The following RSBN1L variants were observed in gnomAD, a reference collection of about 807,000 sequenced individuals.
RSBN1L encodes lysine-specific demethylase RSBN1L.
RSBN1L carries 30 observed loss-of-function variants against 67.7 expected under a neutral mutation model. That is an observed-to-expected ratio of 0.44 (90% CI 0.33 to 0.60). The LOEUF is 0.60. Ranked by LOEUF, RSBN1L falls within the 20% of genes least tolerant of loss-of-function variation. RSBN1L has a pLI of 0.02. For synonymous variants in RSBN1L, 433 were observed against 387.0 expected, an observed-to-expected ratio of 1.12 and a Z score of -1.39; for missense variants, 992 against 1,031.7, an observed-to-expected ratio of 0.96 and a Z score of 0.53.
At chr7:77,717,376 A>G (rs1235124252) in intron 1 of RSBN1L, among the ~76,000 whole-genome samples, 1 of 152,164 alleles carries the variant, frequency 6.6e-6, no homozygotes, top group African/African-American at 2.4e-5. Context: ...TTACTAGTAT[A>G]TAAAAAAGAC....
intron 1 of RSBN1L, among the ~76,000 whole-genome samples, chr7:77,706,061 C>T (rs1327776025): frequency 5.3e-5 from 8 of 150,834 alleles, no homozygotes; most frequent in Admixed American, 5.3e-4. Flanking sequence ...ACCATGCCCG[C>T]CTAACTTTTT....
chr7:77,729,673 C>T (rs990322720), intron 1 of RSBN1L, among the ~76,000 whole-genome samples: 9 of 152,164 alleles, frequency 5.9e-5, no homozygotes, highest in Admixed American at 2.6e-4. Context: ...TTATTTTAGG[C>T]TGGGTGCAGT....
At chr7:77,710,104 A>G (rs1249965049) in intron 1 of RSBN1L, among the ~76,000 whole-genome samples, 1 of 152,122 alleles carries the variant, frequency 6.6e-6, no homozygotes, top group Non-Finnish European at 1.5e-5. Context: ...TACTAGTTTT[A>G]GTTCAAATTA....
At chr7:77,732,456 C>G (rs1377770699) in intron 1 of RSBN1L, among the ~76,000 whole-genome samples, 2 of 152,136 alleles carry the variant, frequency 1.3e-5, no homozygotes, top group African/African-American at 2.4e-5. Context: ...CCTCAGCCTA[C>G]CAAGTAGTGG....
chr7:77,707,934 A>G (rs141763761), intron 1 of RSBN1L, among the ~76,000 whole-genome samples: 16 of 152,322 alleles, frequency 1.1e-4, no homozygotes, highest in African/African-American at 3.6e-4. Flanking sequence ...AGTCCTTTAA[A>G]GTTTAATTAG....
intron 6 of RSBN1L, among the ~76,000 whole-genome samples, chr7:77,776,420 C>T (rs987997496): frequency 6.6e-6 from 1 of 152,200 alleles, no homozygotes; most frequent in Admixed American, 6.5e-5. Context: ...ATCACCTCCC[C>T]AATTCTCCAT....
chr7:77,729,155 T>C (rs532434710), intron 1 of RSBN1L, among the ~76,000 whole-genome samples: 51 of 152,312 alleles, frequency 3.3e-4, no homozygotes, highest in Non-Finnish European at 4.0e-4. Flanking sequence ...GCAGCTTCCA[T>C]TGTGGTGTTT....
chr7:77,775,489 G>T (rs1791901379), intron 6 of RSBN1L, among the ~76,000 whole-genome samples: 2 of 152,066 alleles, frequency 1.3e-5, no homozygotes, highest in African/African-American at 4.8e-5. Context: ...AGATCGTGCT[G>T]TGTTTCACAA....
rs1367259612 is a variant in RSBN1L at position 77,779,199 on chromosome 7, A to T, written c.*31A>T. 5.7e-5 allele frequency: 82 copies of T among 1,449,550 alleles called. No individual in the cohort carries two copies. Among genetic ancestry groups the T allele is most frequent in the Non-Finnish European group, 7.5e-5 (80 of 1,073,014 alleles). The allele number at this position is 1,449,550 out of a possible 1,614,324, so 89.8% of individuals were successfully genotyped here. A position where few individuals can be genotyped will look rare whatever the true frequency, so the allele number is the denominator to read the frequency against. ...CATATACCATCTAAAATCCTTTTTT[A>T]AAAAAATTTAATGTAATAAAGATTC... On this transcript the variant is annotated 3_prime_UTR_variant, in exon 8 of 8. Transcript: ENST00000334955.
intron 3 of RSBN1L, among the ~76,000 whole-genome samples, chr7:77,755,439 C>T (rs914089892): frequency 7.9e-5 from 12 of 151,978 alleles, no homozygotes; most frequent in Admixed American, 5.9e-4. Context: ...CCGAGGCAGT[C>T]GGATCACCTG....
At position 77,778,765 on chromosome 7, in the gene RSBN1L, AT is replaced by A. The variant is rs1562812551; in HGVS notation, c.2140del (p.Ser714ProfsTer13). The A allele has an allele frequency of 6.2e-7, 1 of 1,614,172 alleles. No homozygotes were observed. On this transcript the variant is annotated frameshift_variant, in exon 8 of 8. Coordinates refer to ENST00000334955, the MANE Select transcript of RSBN1L (RefSeq NM_198467.3). LOFTEE classifies it high-confidence loss of function. ...ACTCATGAAACAGGCACATCATCAGATTCCACATCATCTGTTCTTGGACCTC... is the reference window on the plus strand; with the variant it reads ...ACTCATGAAACAGGCACATCATCAGATCCACATCATCTGTTCTTGGACCTC... Reference protein sequence around the residue: ...TATHETGTSSDSTSSVLGPHT... With the variant: ...TATHETGTSSXSTSSVLGPHT...
rs1456341589 is a variant in RSBN1L, at chr7:77,780,491, G to T, written c.*1323G>T. 6.6e-6 allele frequency: 1 copy of T among 152,038 alleles called. No individual in the cohort carries two copies. The highest frequency in any genetic ancestry group is 1.5e-5 in the Non-Finnish European group (1 of 68,010). The allele number at this position is 152,038 out of a possible 1,614,324, so 9.4% of individuals were successfully genotyped here. ...AGAAGTTTAGAGAATTTTCTTACTA[G>T]TAAGTACCTTTACTAAGTAATAGCT... On this transcript the variant is annotated 3_prime_UTR_variant, in exon 8 of 8. Coordinates refer to ENST00000334955, the MANE Select transcript of RSBN1L (RefSeq NM_198467.3).
chr7:77,773,948 T>C (rs1791878802), intron 6 of RSBN1L, among the ~76,000 whole-genome samples: 1 of 152,206 alleles, frequency 6.6e-6, no homozygotes, highest in Admixed American at 6.5e-5. Context: ...TGCTTTTTGC[T>C]CCGTATTTAT....
chr7:77,735,205 A>G (rs769652757), intron 1 of RSBN1L, among the ~76,000 whole-genome samples: 3 of 152,180 alleles, frequency 2.0e-5, no homozygotes, highest in Non-Finnish European at 4.4e-5. Flanking sequence ...GACCTGTGCT[A>G]TTCAGTATGG....
chr7:77,729,945 C>T (rs1469056932), intron 1 of RSBN1L, among the ~76,000 whole-genome samples: 1 of 152,062 alleles, frequency 6.6e-6, no homozygotes, highest in African/African-American at 2.4e-5. Flanking sequence ...CAGAGCAAAA[C>T]CCTGTCTCAA....
At chr7:77,728,591 T>TA (rs1359933486) in intron 1 of RSBN1L, among the ~76,000 whole-genome samples, 25 of 152,234 alleles carry the variant, frequency 1.6e-4, no homozygotes, top group Non-Finnish European at 3.2e-4. Context: ...TTGGCAGAGA[T>TA]AAACAGCAGT....
chr7:77,707,478 T>C (rs1249816017), intron 1 of RSBN1L, among the ~76,000 whole-genome samples: 1 of 152,218 alleles, frequency 6.6e-6, no homozygotes, highest in African/African-American at 2.4e-5. Context: ...ATTGCATATT[T>C]AAGTAGCTAC....
intron 2 of RSBN1L, among the ~76,000 whole-genome samples, chr7:77,742,119 T>G (rs1791418277): frequency 6.8e-6 from 1 of 146,702 alleles, no homozygotes; most frequent in Non-Finnish European, 1.5e-5. Flanking sequence ...TGCTTGAGCC[T>G]GGGAGTACGA....
chr7:77,736,317 G>A (rs773098547), intron 1 of RSBN1L, 93 bp from the exon 2 acceptor site: 1 of 501,478 alleles, frequency 2.0e-6, no homozygotes, highest in Non-Finnish European at 3.0e-6. Context: ...TTTTCTTTGT[G>A]TATTGTAATT....
Sources: allele counts gnomAD v4.1 joint callset (sites outside exome capture counted in the v4.1 genomes callset), GRCh38; gene constraint gnomAD v4.1.1; transcripts MANE v1.5; gene names NCBI Gene and HGNC (gene_info 2026-07-23, HGNC 2026-07-21).